The following EML6 variants were observed in gnomAD, a reference collection of about 807,000 sequenced individuals.
EML6 encodes the protein EMAP like 6, also known as echinoderm microtubule-associated protein-like 6.
A neutral mutation model predicts 240.1 loss-of-function variants in EML6; 154 were observed. The observed-to-expected ratio is 0.64, with a 90% CI of 0.56 to 0.73. The LOEUF is 0.73. EML6 is among the 30% of genes least tolerant of loss of function. The pLI is 0.00. For missense variants in EML6, 2,964 were observed against 2,474.6 expected, an observed-to-expected ratio of 1.20 and a Z score of -4.20; for synonymous variants, 1,148 against 899.0, an observed-to-expected ratio of 1.28 and a Z score of -4.95.
At chr2:54,893,625 G>A (rs964957681) in intron 19 of EML6, among the ~76,000 whole-genome samples, 2 of 152,112 alleles carry the variant, frequency 1.3e-5, no homozygotes, top group Non-Finnish European at 2.9e-5. Context: ...CAATCAACTT[G>A]CCAGCAAATA....
At chr2:54,921,300 A>G (rs1364050037) in intron 26 of EML6, among the ~76,000 whole-genome samples, 1 of 152,184 alleles carries the variant, frequency 6.6e-6, no homozygotes, top group Non-Finnish European at 1.5e-5. Context: ...TTACATTTTT[A>G]TATACTTAGA....
At chr2:54,872,594 G>A (rs193103952) in intron 16 of EML6, among the ~76,000 whole-genome samples, 20 of 152,282 alleles carry the variant, frequency 1.3e-4, no homozygotes, top group Admixed American at 9.8e-4. Context: ...CCCCTTGGTT[G>A]GCTGACTCAT....
chr2:54,806,606 C>T (rs1401673224), intron 2 of EML6, among the ~76,000 whole-genome samples: 4 of 58,090 alleles, frequency 6.9e-5, no homozygotes, highest in Admixed American at 5.5e-4. Flanking sequence ...AGAGTGACTC[C>T]GTCTCCAAAA....
At chr2:54,757,287 C>T (rs980644) in intron 2 of EML6, among the ~76,000 whole-genome samples, 59,459 of 151,904 alleles carry the variant, frequency 0.39, 11,860 homozygotes, top group Middle Eastern at 0.47. Context: ...AAGAGCAAGA[C>T]CCCTGAAAGC....
chr2:54,889,256 C>T (rs1041994971), intron 17 of EML6, among the ~76,000 whole-genome samples: 8 of 151,946 alleles, frequency 5.3e-5, no homozygotes, highest in African/African-American at 1.7e-4. Flanking sequence ...TTTCTGTTTC[C>T]GTTTTCCTGG....
chr2:54,841,283 G>C (rs1391955647), intron 7 of EML6, among the ~76,000 whole-genome samples: 1 of 152,220 alleles, frequency 6.6e-6, no homozygotes, highest in Non-Finnish European at 1.5e-5. Context: ...CTGAACTACT[G>C]TTGCCAGGGT....
intron 2 of EML6, among the ~76,000 whole-genome samples, chr2:54,801,707 T>C (rs1670157570): frequency 6.6e-6 from 1 of 151,942 alleles, no homozygotes; most frequent in African/African-American, 2.4e-5. Context: ...AATGATTTTC[T>C]TCTGAACAAA....
intron 17 of EML6, chr2:54,881,613 C>T (rs1443090362): frequency 7.0e-6 from 1 of 142,184 alleles, no homozygotes; most frequent in East Asian, 2.0e-4. Context: ...TTAGCCACTG[C>T]ACTCCAGCCT....
intron 28 of EML6, among the ~76,000 whole-genome samples, chr2:54,941,451 C>G (rs1000121787): frequency 5.9e-5 from 9 of 152,200 alleles, no homozygotes. Context: ...CTCAGCGTAG[C>G]CGGACAGAGG....
chr2:54,796,927 G>A (rs1014141388), intron 2 of EML6, among the ~76,000 whole-genome samples: 1 of 151,908 alleles, frequency 6.6e-6, no homozygotes, highest in African/African-American at 2.4e-5. Context: ...CACTTTGAGA[G>A]GCCGAGGTGG....
chr2:54,846,765 T>C lies in EML6; in HGVS notation c.1050-721T>C, dbSNP rs190815280. Among the ~76,000 whole-genome samples, 1,186 of 152,102 alleles carry C rather than the reference T, an allele frequency of 7.8e-3. 14 individuals carry two copies. The highest frequency in any genetic ancestry group is 0.028 in the African/African-American group (1,141 of 41,470). On this transcript the variant is annotated intron_variant, in intron 8 of 41. Transcript: ENST00000356458. The stretch of plus-strand genomic sequence containing the variant: ...TCCCAAAGTGCTGGGATTATAGGCA[T>C]GAGCCACTGTGTCTGGCGCATACTT...
At chr2:54,730,088 T>C (rs981902691) in intron 2 of EML6, among the ~76,000 whole-genome samples, 9 of 151,986 alleles carry the variant, frequency 5.9e-5, no homozygotes, top group Non-Finnish European at 1.3e-4. Flanking sequence ...GTAAGCCCAG[T>C]TTGTGCTGTT....
intron 28 of EML6, among the ~76,000 whole-genome samples, chr2:54,931,358 T>G (rs1573168801): frequency 6.6e-6 from 1 of 151,890 alleles, no homozygotes; most frequent in South Asian, 2.1e-4. Flanking sequence ...ATTGGGAGGG[T>G]GGCACAAGAT....
chr2:54,967,342 C>G, intron 39 of EML6: 1 of 273,846 alleles, frequency 3.7e-6, no homozygotes, highest in South Asian at 5.4e-5. Flanking sequence ...CTACAAGTCT[C>G]CAACCCCTTC....
At chr2:54,805,868 G>T (rs1416123116) in intron 2 of EML6, among the ~76,000 whole-genome samples, 6 of 151,892 alleles carry the variant, frequency 4.0e-5, no homozygotes, top group Admixed American at 3.9e-4. Flanking sequence ...TTTCCATATG[G>T]ATACCTAGTT....
intron 19 of EML6, among the ~76,000 whole-genome samples, chr2:54,894,583 G>A (rs569004551): frequency 6.6e-6 from 1 of 152,268 alleles, no homozygotes; most frequent in South Asian, 2.1e-4. Context: ...TAGGTTTTGA[G>A]GCTGGTTCCA....
chr2:54,724,688 T>C lies in EML6; in HGVS notation c.-374T>C, dbSNP rs994367101. On this transcript the variant is annotated 5_prime_UTR_variant, in exon 2 of 42. Transcript: ENST00000356458. This position sits in a 1 kb window ranked among gnomAD's most constrained non-coding sequence, Gnocchi z 5.2. ...AAACTTCAGTGAGCGAACTGGGTGA[T>C]CGCTGTTGGGATATGCAGATTCCTG... 3 of 152,196 alleles carry C rather than the reference T, an allele frequency of 2.0e-5. No homozygotes were observed. The highest frequency in any genetic ancestry group is 7.2e-5 in the African/African-American group (3 of 41,474). 9.4% of individuals were successfully genotyped at this position (152,196 alleles called of 1,614,324 possible).
At chr2:54,803,767 C>T (rs947542213) in intron 2 of EML6, among the ~76,000 whole-genome samples, 3 of 152,152 alleles carry the variant, frequency 2.0e-5, no homozygotes, top group Non-Finnish European at 4.4e-5. Flanking sequence ...GGAGAAAATA[C>T]TTCCAGGATT....
intron 2 of EML6, among the ~76,000 whole-genome samples, chr2:54,796,431 A>C (rs1179046302): frequency 6.6e-6 from 1 of 152,166 alleles, no homozygotes; most frequent in Admixed American, 6.5e-5. Context: ...TCACATTTAT[A>C]TAACCTGTGC....
Sources: gnomAD v4.1 joint callset for allele counts (sites outside exome capture counted in the v4.1 genomes callset) on GRCh38, gnomAD v4.1.1 for gene constraint, Gnocchi (gnomAD v3.1) non-coding constraint, MANE v1.5 for transcripts, NCBI Gene and HGNC (gene_info 2026-07-23, HGNC 2026-07-21) for gene names.